The following EBF4 variants were observed in gnomAD, a reference collection of about 807,000 sequenced individuals.
EBF4 encodes transcription factor COE4.
Under a neutral mutation model 67.1 loss-of-function variants are expected in EBF4, and 34 were observed. The observed-to-expected ratio is 0.51, with a 90% confidence interval of 0.39 to 0.67. The LOEUF (loss-of-function observed/expected upper bound fraction) is 0.67. EBF4 is among the 30% of genes least tolerant of loss of function. The pLI is 0.00. For synonymous variants in EBF4, 387 were observed against 377.7 expected (o/e 1.02, Z -0.29); for missense variants, 837 against 873.3 (o/e 0.96, Z 0.52).
chr20:2,746,064 G>C (rs1353583976), intron 6 of EBF4, among the ~76,000 whole-genome samples: 2 of 152,200 alleles, frequency 1.3e-5, no homozygotes, highest in African/African-American at 2.4e-5. Flanking sequence ...GAGCTGGTCT[G>C]CCTGTGTGTG....
intron 6 of EBF4, among the ~76,000 whole-genome samples, chr20:2,727,738 T>A (rs2087764441): frequency 6.6e-6 from 1 of 152,210 alleles, no homozygotes; most frequent in African/African-American, 2.4e-5. Context: ...ACTTATCATC[T>A]TTTTTATAGT....
chr20:2,719,634 G>T (rs1305074648), intron 6 of EBF4, among the ~76,000 whole-genome samples: 1 of 152,030 alleles, frequency 6.6e-6, no homozygotes, highest in African/African-American at 2.4e-5. Context: ...CGAACTACAG[G>T]GCTCAAGCAA....
At chr20:2,740,548 T>C (rs57163591) in intron 6 of EBF4, among the ~76,000 whole-genome samples, 1 of 152,140 alleles carries the variant, frequency 6.6e-6, no homozygotes, top group African/African-American at 2.4e-5. Context: ...GCTTTCTCTT[T>C]GGAAGTGAGA....
In EBF4 at chr20:2,752,274, C is replaced by A; in HGVS notation, c.1351+11C>A. 8.1e-7 allele frequency: 1 copy of A among 1,228,156 alleles called. No homozygotes were observed. The highest frequency in any genetic ancestry group is 1.0e-6 in the Non-Finnish European group (1 of 987,844). 76.1% of individuals were successfully genotyped at this position (1,228,156 alleles called of 1,614,324 possible). A position where few individuals can be genotyped will look rare whatever the true frequency, so the allele number is the denominator to read the frequency against. Reference sequence around the variant, plus strand: ...CGGGGCCCGAGCCGGGTGCGTGGGCCGCGCCTCCCCGCCGTCCTCGGGCGC... The same window carrying A: ...CGGGGCCCGAGCCGGGTGCGTGGGCAGCGCCTCCCCGCCGTCCTCGGGCGC... On this transcript the variant is annotated intron_variant, in intron 13 of 16. Transcript: ENST00000609451.
In EBF4 at chr20:2,707,228, G is replaced by C. The variant is rs2087471099; in HGVS notation, c.415-719G>C. On this transcript the variant is annotated intron_variant, in intron 4 of 16. Transcript: ENST00000609451. This position sits in a 1 kb window ranked among gnomAD's most constrained non-coding sequence, Gnocchi z 4.6. ...AGGCAGTGCCTAGTGGAACTGTCAA[G>C]GGGACGGGTGTGGAAGGGGTTCGAG... Among the ~76,000 whole-genome samples the C allele has an allele frequency of 6.6e-6, 1 of 152,134 alleles. No individual in the cohort carries two copies. Among genetic ancestry groups the C allele is most frequent in the African/African-American group, 2.4e-5 (1 of 41,416 alleles).
chr20:2,732,438 T>C (rs2087826619), intron 6 of EBF4, among the ~76,000 whole-genome samples: 1 of 152,212 alleles, frequency 6.6e-6, no homozygotes, highest in Non-Finnish European at 1.5e-5. Flanking sequence ...TAGATACACA[T>C]GCTTATAATT....
chr20:2,709,085 G>A (rs1191059570), intron 5 of EBF4, among the ~76,000 whole-genome samples: 11 of 152,152 alleles, frequency 7.2e-5, no homozygotes, highest in Admixed American at 7.2e-4. Flanking sequence ...ATGTTAGGAG[G>A]CTGAGGCACA....
rs562461110 is a variant in EBF4 at position 2,729,448 on chromosome 20, A to G, written c.558-19101A>G. On this transcript the variant is annotated intron_variant, in intron 6 of 16. Coordinates refer to ENST00000609451, the Ensembl canonical transcript of EBF4. ...TAAACTTCACAAGTATGAATTTAGT[A>G]TGGATCTCTCTGCTCTTTGAATTCT... Among the ~76,000 whole-genome samples, 4 of 152,302 alleles carry G rather than the reference A, an allele frequency of 2.6e-5. No homozygotes were observed. The South Asian group carries it at 6.2e-4, about 24-fold the overall frequency.
chr20:2,708,055 T>C, intron 5 of EBF4, 35 bp downstream of exon 5: 1 of 1,578,936 alleles, frequency 6.3e-7, no homozygotes, highest in East Asian at 2.3e-5. Flanking sequence ...CTCACCCCTC[T>C]GCCAAGGCGT....
intron 6 of EBF4, among the ~76,000 whole-genome samples, chr20:2,744,594 C>T (rs2088022766): frequency 6.9e-6 from 1 of 143,942 alleles, no homozygotes; most frequent in Non-Finnish European, 1.5e-5. Context: ...CCCGTTCAAG[C>T]AATTCTCGTG....
intron 6 of EBF4, among the ~76,000 whole-genome samples, chr20:2,724,239 G>A (rs2146430748): frequency 6.6e-6 from 1 of 152,270 alleles, no homozygotes; most frequent in Middle Eastern, 3.4e-3. Flanking sequence ...CTGAAAATTT[G>A]GAAATGGTTG....
At chr20:2,701,522 C>T (rs1331954366) in intron 1 of EBF4, among the ~76,000 whole-genome samples, 2 of 152,256 alleles carry the variant, frequency 1.3e-5, no homozygotes, top group African/African-American at 4.8e-5. Flanking sequence ...CAGGACCCAG[C>T]AATGGCTGAT....
chr20:2,754,419 G>A (rs889086509), intron 14 of EBF4, among the ~76,000 whole-genome samples: 4 of 152,174 alleles, frequency 2.6e-5, no homozygotes, highest in Non-Finnish European at 5.9e-5. Flanking sequence ...ATGTGGCCGT[G>A]AGCCCTGGGC....
chr20:2,715,360 T>A (rs2146409057), intron 6 of EBF4, among the ~76,000 whole-genome samples: 2 of 152,316 alleles, frequency 1.3e-5, no homozygotes, highest in Middle Eastern at 3.4e-3. Context: ...TTAGCTGTAG[T>A]TTGTTGTATT....
chr20:2,701,212 A>T (rs1365599172), intron 1 of EBF4, among the ~76,000 whole-genome samples: 5 of 152,120 alleles, frequency 3.3e-5, no homozygotes, highest in Admixed American at 3.3e-4. Context: ...CGTGCTGGGG[A>T]AGTGCAGGAT....
chr20:2,726,508 G>T (rs1191494033), intron 6 of EBF4, among the ~76,000 whole-genome samples: 3 of 151,588 alleles, frequency 2.0e-5, no homozygotes, highest in Non-Finnish European at 4.4e-5. Context: ...TCGAACCCAG[G>T]AGTTCAAGGT....
rs547723182 is a variant in EBF4, at chr20:2,747,611, A to G, written c.558-938A>G. Reference sequence around the variant, plus strand: ...TGCTCTGTATGATTAAGCTTTTCCTATGTGTATAATGGATATAAAATGTGT... The same window carrying G: ...TGCTCTGTATGATTAAGCTTTTCCTGTGTGTATAATGGATATAAAATGTGT... On this transcript the variant is annotated intron_variant, in intron 6 of 16. Coordinates refer to ENST00000609451, the Ensembl canonical transcript of EBF4. The surrounding 1 kb of genome is among the most constrained non-coding windows in gnomAD (Gnocchi z 4.6). 2.0e-5 allele frequency among the ~76,000 whole-genome samples: 3 copies of G among 152,174 alleles called. No individual in the cohort carries two copies. The highest frequency in any genetic ancestry group is 2.9e-5 in the Non-Finnish European group (2 of 68,036).
At chr20:2,742,666 G>C (rs985161482) in intron 6 of EBF4, among the ~76,000 whole-genome samples, 3 of 152,090 alleles carry the variant, frequency 2.0e-5, no homozygotes, top group African/African-American at 7.2e-5. Flanking sequence ...GAGGGCTGTG[G>C]ACTTGGGCTC....
In EBF4 at chr20:2,696,708, A is replaced by G. The variant is rs2087293493; in HGVS notation, c.137+2926A>G. ...ATCCCTCTGCCCTCAGCACCCGCAC[A>G]TCCCCTGGATTAAGTCTCACCAGCC... On this transcript the variant is annotated intron_variant, in intron 1 of 16. Coordinates refer to ENST00000609451, the Ensembl canonical transcript of EBF4. This position sits in a 1 kb window ranked among gnomAD's most constrained non-coding sequence, Gnocchi z 4.7. Among the ~76,000 whole-genome samples, 1 of 152,104 alleles carries G rather than the reference A, an allele frequency of 6.6e-6. No individual in the cohort carries two copies. The highest frequency in any genetic ancestry group is 2.1e-4 in the South Asian group (1 of 4,824).
Sources: allele counts gnomAD v4.1 joint callset (sites outside exome capture counted in the v4.1 genomes callset), GRCh38; gene constraint gnomAD v4.1.1; non-coding constraint Gnocchi (gnomAD v3.1); transcripts MANE v1.5; gene names NCBI Gene and HGNC (gene_info 2026-07-23, HGNC 2026-07-21).